The following CHRM5 variants were observed in gnomAD, a reference collection of about 807,000 sequenced individuals.
CHRM5 encodes the protein cholinergic receptor muscarinic 5.
CHRM5 carries 18 observed loss-of-function variants against 39.0 expected under a neutral mutation model. That is an observed-to-expected ratio of 0.46 (90% CI 0.32 to 0.68). The LOEUF is 0.68. Ranked by LOEUF, CHRM5 falls within the 30% of genes least tolerant of loss-of-function variation. The pLI, the probability that CHRM5 is intolerant of heterozygous loss-of-function variation, is 0.04. For synonymous variants in CHRM5, 241 were observed against 246.3 expected, an observed-to-expected ratio of 0.98 and a Z score of 0.20; for missense variants, 515 against 651.1, an observed-to-expected ratio of 0.79 and a Z score of 2.28.
intron 1 of CHRM5, among the ~76,000 whole-genome samples, chr15:33,984,349 C>G (rs1203460368): frequency 6.6e-6 from 1 of 151,230 alleles, no homozygotes; most frequent in Non-Finnish European, 1.5e-5. Context: ...AATCTACATA[C>G]AAGATATTCT....
chr15:33,997,828 T>C (rs1277519359), intron 1 of CHRM5, among the ~76,000 whole-genome samples: 3 of 152,210 alleles, frequency 2.0e-5, no homozygotes, highest in Non-Finnish European at 4.4e-5. Context: ...CGTCCGGTCT[T>C]TCTGGGCCTG....
intron 1 of CHRM5, among the ~76,000 whole-genome samples, chr15:33,984,818 A>G (rs1205222092): frequency 6.6e-6 from 1 of 152,174 alleles, no homozygotes; most frequent in Non-Finnish European, 1.5e-5. Context: ...CCTTTGATGC[A>G]GTAAATCACA....
intron 1 of CHRM5, among the ~76,000 whole-genome samples, chr15:34,043,927 T>G (rs939481923): frequency 2.6e-5 from 4 of 152,110 alleles, no homozygotes; most frequent in African/African-American, 9.7e-5. Flanking sequence ...TCTGTCCCAG[T>G]CCAAGGCCAA....
intron 1 of CHRM5, among the ~76,000 whole-genome samples, chr15:34,015,611 TAAG>T (rs1041067972): frequency 3.9e-5 from 6 of 151,972 alleles, no homozygotes; most frequent in African/African-American, 1.5e-4. Flanking sequence ...CTTTAGGAGC[TAAG>T]AATAAAAAAG....
chr15:34,021,719 G>T (rs1898207423), intron 1 of CHRM5, among the ~76,000 whole-genome samples: 1 of 152,090 alleles, frequency 6.6e-6, no homozygotes, highest in Non-Finnish European at 1.5e-5. Context: ...ACTGGACATG[G>T]TGGCAGGTGC....
chr15:33,974,625 T>C (rs1478948902), intron 1 of CHRM5, among the ~76,000 whole-genome samples: 1 of 152,214 alleles, frequency 6.6e-6, no homozygotes, highest in South Asian at 2.1e-4. Flanking sequence ...GAATAATGCA[T>C]GTGTACGTCC....
At chr15:34,020,427 A>C (rs1213917241) in intron 1 of CHRM5, among the ~76,000 whole-genome samples, 1 of 152,232 alleles carries the variant, frequency 6.6e-6, no homozygotes, top group African/African-American at 2.4e-5. Flanking sequence ...AAGGAGGCAA[A>C]TTAGAAATTT....
At chr15:34,057,755 C>T (rs980450132) in intron 2 of CHRM5, among the ~76,000 whole-genome samples, 1 of 152,160 alleles carries the variant, frequency 6.6e-6, no homozygotes. Flanking sequence ...ATGATGGTGA[C>T]ACTGTTCTCC....
chr15:33,982,811 TC>T (rs1896213426), intron 1 of CHRM5, among the ~76,000 whole-genome samples: 5 of 152,046 alleles, frequency 3.3e-5, no homozygotes, highest in African/African-American at 1.2e-4. Context: ...TCTCTCTCTC[TC>T]TGGACCAGCC....
chr15:34,003,926 A>C lies in CHRM5; in HGVS notation c.-408+34776A>C, dbSNP rs576036921. On this transcript the variant is annotated intron_variant, in intron 1 of 2. Coordinates refer to ENST00000383263, the MANE Select transcript of CHRM5 (RefSeq NM_012125.4). ...CATTCTGATGTTATATATTGACTCA[A>C]ATCTATTTTTAAATATTGAGAGGAG... Among the ~76,000 whole-genome samples the C allele has an allele frequency of 2.0e-5, 3 of 152,324 alleles. No individual in the cohort carries two copies. The East Asian group carries it at 5.8e-4, about 29-fold the overall frequency.
intron 1 of CHRM5, among the ~76,000 whole-genome samples, chr15:34,017,001 C>G (rs1442841869): frequency 9.2e-6 from 1 of 109,108 alleles, no homozygotes; most frequent in African/African-American, 2.6e-5. Flanking sequence ...CATGGTGGCA[C>G]ATCCCTGTAG....
intron 1 of CHRM5, among the ~76,000 whole-genome samples, chr15:33,970,693 A>T (rs1417138644): frequency 6.6e-6 from 1 of 152,026 alleles, no homozygotes; most frequent in Non-Finnish European, 1.5e-5. Flanking sequence ...CTTGGACAAA[A>T]GTATGAAATT....
intron 2 of CHRM5, among the ~76,000 whole-genome samples, chr15:34,057,431 T>C (rs1204071111): frequency 6.6e-6 from 1 of 152,118 alleles, no homozygotes; most frequent in Non-Finnish European, 1.5e-5. Flanking sequence ...CATGAGCCAC[T>C]GTGCCCAGCC....
chr15:33,992,627 G>A (rs563260736), intron 1 of CHRM5, among the ~76,000 whole-genome samples: 37 of 151,452 alleles, frequency 2.4e-4, no homozygotes, highest in East Asian at 7.8e-4. Context: ...TTTGTAATAT[G>A]AGACTATATT....
intron 1 of CHRM5, among the ~76,000 whole-genome samples, chr15:33,982,067 A>G (rs1896175632): frequency 6.6e-6 from 1 of 151,224 alleles, no homozygotes; most frequent in Non-Finnish European, 1.5e-5. Context: ...AGATTTCACC[A>G]CACTGGCCAG....
intron 1 of CHRM5, among the ~76,000 whole-genome samples, chr15:33,986,757 AGC>A (rs34976114): frequency 0.15 from 22,188 of 151,676 alleles, 2,062 homozygotes; most frequent in Middle Eastern, 0.28. Context: ...CCCAGGTTCA[AGC>A]GATTCTCCTG....
Position 34,065,540 on chromosome 15 carries a change from G to A in CHRM5, c.*1224G>A, listed in dbSNP as rs1279495430. The A allele has an allele frequency of 6.6e-6, 1 of 152,056 alleles. No individual in the cohort carries two copies. Among genetic ancestry groups the A allele is most frequent in the Non-Finnish European group, 1.5e-5 (1 of 68,020 alleles). 9.4% of individuals were successfully genotyped at this position (152,056 alleles called of 1,614,324 possible). A position where few individuals can be genotyped will look rare whatever the true frequency, so the allele number is the denominator to read the frequency against. On this transcript the variant is annotated 3_prime_UTR_variant, in exon 3 of 3. Coordinates refer to ENST00000383263, the MANE Select transcript of CHRM5 (RefSeq NM_012125.4). ...GACTTCTTTATTCCTCTCCAAATTC[G>A]GTCACAAATGAGAAGGCCAGAAAAG...
intron 1 of CHRM5, among the ~76,000 whole-genome samples, chr15:33,983,161 T>TATATACACAC (rs1491248403): frequency 2.6e-4 from 23 of 86,904 alleles, no homozygotes; most frequent in African/African-American, 1.6e-3. Context: ...TGTGTGTGTA[T>TATATACACAC]GTGTGTGTGT....
intron 1 of CHRM5, among the ~76,000 whole-genome samples, chr15:33,976,760 C>T (rs931066633): frequency 6.6e-6 from 1 of 152,118 alleles, no homozygotes. Context: ...AGATGACCAG[C>T]TGAAATTTTT....
Sources: gnomAD v4.1 joint callset for allele counts (sites outside exome capture counted in the v4.1 genomes callset) on GRCh38, gnomAD v4.1.1 for gene constraint, MANE v1.5 for transcripts, NCBI Gene and HGNC (gene_info 2026-07-23, HGNC 2026-07-21) for gene names.